IGSF9B: variants seen among roughly 807,000 people sequenced by gnomAD.
IGSF9B encodes protein turtle homolog B.
Under a neutral mutation model 143.7 loss-of-function variants are expected in IGSF9B, and 48 were observed. The ratio of observed to expected loss-of-function variants is 0.33; its 90% confidence interval spans 0.26 to 0.42. The LOEUF is 0.42. IGSF9B is among the 20% of genes least tolerant of loss of function. IGSF9B has a pLI of 1.00. For synonymous variants in IGSF9B, 903 were observed against 833.1 expected (o/e 1.08, Z -1.44); for missense variants, 1,706 against 1,980.0 (o/e 0.86, Z 2.63).
chr11:133,930,740 T>A (rs1939707947), intron 11 of IGSF9B, among the ~76,000 whole-genome samples: 1 of 152,236 alleles, frequency 6.6e-6, no homozygotes, highest in Admixed American at 6.5e-5. Flanking sequence ...GGTGGGCTGC[T>A]GTGGACATCA....
At chr11:133,943,685 G>A (rs1939992963) in intron 3 of IGSF9B, among the ~76,000 whole-genome samples, 1 of 152,234 alleles carries the variant, frequency 6.6e-6, no homozygotes, top group Non-Finnish European at 1.5e-5. Context: ...CGCACAGGCA[G>A]GGACTGGGTG....
chr11:133,916,188 G>C (rs556040005), intron 18 of IGSF9B, among the ~76,000 whole-genome samples: 1 of 152,080 alleles, frequency 6.6e-6, no homozygotes, highest in Non-Finnish European at 1.5e-5. Flanking sequence ...GAATTGGCTC[G>C]GCCTCCCCAC....
Position 133,956,760 on chromosome 11 carries a change from T to C in IGSF9B, c.-6A>G, listed in dbSNP as rs772218323. ...GTGGCCACATACCAAATCATAGTAC[T>C]ACCGCGCCAGCCCGGAGCCTCATCC... is the stretch of plus-strand genomic sequence containing the variant. On this transcript the variant is annotated 5_prime_UTR_variant, in exon 1 of 20. Coordinates refer to ENST00000533871, the MANE Select transcript of IGSF9B (RefSeq NM_001277285.4). 2.0e-6 allele frequency: 3 copies of C among 1,502,514 alleles called. No homozygotes were observed. Among genetic ancestry groups the C allele is most frequent in the Non-Finnish European group, 2.7e-6 (3 of 1,122,456 alleles). The allele number at this position is 1,502,514 out of a possible 1,614,324, so 93.1% of individuals were successfully genotyped here.
chr11:133,943,872 C>T lies in IGSF9B; in HGVS notation c.409+348G>A, dbSNP rs567118719. ...CAGAATTGGGGTAGCAGGGTCTTCC[C>T]AAGGCTGGGAAATAATCCCAGCGGT... On this transcript the variant is annotated intron_variant, in intron 3 of 19. Transcript: ENST00000533871. 3.3e-5 allele frequency among the ~76,000 whole-genome samples: 5 copies of T among 152,318 alleles called. No homozygotes were observed. The East Asian group carries it at 9.7e-4, about 29-fold the overall frequency.
intron 5 of IGSF9B, among the ~76,000 whole-genome samples, chr11:133,936,587 G>C (rs1241866987): frequency 1.3e-5 from 2 of 152,198 alleles, no homozygotes; most frequent in African/African-American, 4.8e-5. Flanking sequence ...CGAGGAGTAA[G>C]CAGAGGGTGA....
intron 1 of IGSF9B, among the ~76,000 whole-genome samples, chr11:133,950,066 CA>C (rs749726593): frequency 2.6e-5 from 4 of 152,116 alleles, no homozygotes; most frequent in Non-Finnish European, 5.9e-5. Flanking sequence ...CCACAGGGTA[CA>C]AATCTCCTGC....
rs1373944839 is a variant in IGSF9B at position 133,906,856 on chromosome 11, G to A, written c.*2213C>T. Among the ~76,000 whole-genome samples the A allele has an allele frequency of 2.0e-5, 3 of 152,274 alleles. No individual in the cohort carries two copies. Among genetic ancestry groups the A allele is most frequent in the Admixed American group, 6.5e-5 (1 of 15,304 alleles). On this transcript the variant is annotated 3_prime_UTR_variant, in exon 20 of 20. Transcript: ENST00000533871. The stretch of plus-strand genomic sequence containing the variant: ...CACTGCCAGTGCATAAAGGCTGCAC[G>A]TCAGCTTGCGGTAAGCCCCCACCTC...
intron 18 of IGSF9B, among the ~76,000 whole-genome samples, chr11:133,917,894 A>T (rs1939419451): frequency 6.6e-6 from 1 of 152,014 alleles, no homozygotes; most frequent in Non-Finnish European, 1.5e-5. Flanking sequence ...GCAGAGATGC[A>T]AAGCAGATCT....
intron 3 of IGSF9B, among the ~76,000 whole-genome samples, chr11:133,939,042 C>T (rs1206371616): frequency 6.6e-6 from 1 of 152,258 alleles, no homozygotes; most frequent in Non-Finnish European, 1.5e-5. Flanking sequence ...CCACACAGCC[C>T]TGCCCTGAGA....
At chr11:133,919,145 C>A (rs910544975) in intron 18 of IGSF9B, 4 of 435,978 alleles carry the variant, frequency 9.2e-6, no homozygotes, top group Admixed American at 2.4e-5. Flanking sequence ...ACGTGTCCTG[C>A]ACATGGTCAC....
At chr11:133,939,303 C>T (rs535689184) in intron 3 of IGSF9B, among the ~76,000 whole-genome samples, 1 of 152,348 alleles carries the variant, frequency 6.6e-6, no homozygotes, top group Admixed American at 6.5e-5. Context: ...ATGGCACTTC[C>T]AGCATTCTCT....
chr11:133,908,087 G>A lies in IGSF9B; in HGVS notation c.*982C>T, dbSNP rs903960011. On this transcript the variant is annotated 3_prime_UTR_variant, in exon 20 of 20. Transcript: ENST00000533871. ...GCTTGGCGCTAGCACAGGTGGCTCC[G>A]CAGTGGGGAGACTTTGGCCACAGAG... 2.0e-5 allele frequency among the ~76,000 whole-genome samples: 3 copies of A among 152,206 alleles called. No homozygotes were observed. Among genetic ancestry groups the A allele is most frequent in the African/African-American group, 4.8e-5 (2 of 41,462 alleles).
chr11:133,946,042 C>A lies in IGSF9B; in HGVS notation c.262+19G>T. ...CTCCAGCTGGGGAAGGTGCGGGAGA[C>A]CGGGTGCCCAGACCTTACCTGCATA... On this transcript the variant is annotated intron_variant, in intron 2 of 19. Coordinates refer to ENST00000533871, the MANE Select transcript of IGSF9B (RefSeq NM_001277285.4). The A allele has an allele frequency of 6.6e-7, 1 of 1,513,252 alleles. No homozygotes were observed. The highest frequency in any genetic ancestry group is 1.3e-5 in the South Asian group (1 of 76,264). The allele number at this position is 1,513,252 out of a possible 1,614,324, so 93.7% of individuals were successfully genotyped here. A position where few individuals can be genotyped will look rare whatever the true frequency, so the allele number is the denominator to read the frequency against.
In IGSF9B at chr11:133,937,757, C is replaced by G. The variant is rs916255190; in HGVS notation, c.561+53G>C. On this transcript the variant is annotated intron_variant, in intron 4 of 19. Coordinates refer to ENST00000533871, the MANE Select transcript of IGSF9B (RefSeq NM_001277285.4). ...GGGTCGGCTGCAGTAGGAGGCTGCCCTGGGGAAACGGGGGAAGAGACCGCA... is the reference window on the plus strand; with the variant it reads ...GGGTCGGCTGCAGTAGGAGGCTGCCGTGGGGAAACGGGGGAAGAGACCGCA... 6.2e-5 allele frequency: 98 copies of G among 1,579,694 alleles called. No individual in the cohort carries two copies. The African/African-American group carries it at 8.7e-4, about 14-fold the overall frequency.
rs771551462 is a variant in IGSF9B, at chr11:133,906,956, C to T, written c.*2113G>A. Among the ~76,000 whole-genome samples the T allele has an allele frequency of 2.0e-5, 3 of 152,266 alleles. No individual in the cohort carries two copies. The highest frequency in any genetic ancestry group is 6.5e-5 in the Admixed American group (1 of 15,308). ...CGCCCAAGTGAGCAGCACATCACGA[C>T]GCGGGGGCAGAGGGTGTGCTACCTG... On this transcript the variant is annotated 3_prime_UTR_variant, in exon 20 of 20. Coordinates refer to ENST00000533871, the MANE Select transcript of IGSF9B (RefSeq NM_001277285.4).
rs569666107 is a variant in IGSF9B, at chr11:133,945,401, G to C, written c.262+660C>G. Reference sequence around the variant, plus strand: ...AGCCACCAGCAAAGATGAAAGTGAAGGCAGTGCCCTGCCTGCTTCCTCCCT... The same window carrying C: ...AGCCACCAGCAAAGATGAAAGTGAACGCAGTGCCCTGCCTGCTTCCTCCCT... On this transcript the variant is annotated intron_variant, in intron 2 of 19. Coordinates refer to ENST00000533871, the MANE Select transcript of IGSF9B (RefSeq NM_001277285.4). The surrounding 1 kb of genome is among the most constrained non-coding windows in gnomAD (Gnocchi z 4.6). 6.6e-6 allele frequency among the ~76,000 whole-genome samples: 1 copy of C among 152,322 alleles called. No individual in the cohort carries two copies. The highest frequency in any genetic ancestry group is 2.4e-5 in the African/African-American group (1 of 41,578).
chr11:133,921,500 C>G (rs544971580), intron 17 of IGSF9B, 103 bp from the exon 18 acceptor site: 10 of 881,604 alleles, frequency 1.1e-5, no homozygotes, highest in Non-Finnish European at 1.7e-5. Context: ...AGGATCCTCA[C>G]GCTCAAGAAA....
chr11:133,937,634 G>T, intron 4 of IGSF9B, 141 bp from the exon 5 acceptor site: 1 of 1,001,616 alleles, frequency 1.0e-6, no homozygotes, highest in Non-Finnish European at 1.5e-6. Context: ...AAGGGCAGGT[G>T]CCCCCTTGCC....
Position 133,945,742 on chromosome 11 carries a change from G to A in IGSF9B, c.262+319C>T, listed in dbSNP as rs1392763583. Among the ~76,000 whole-genome samples, 1 of 152,110 alleles carries A rather than the reference G, an allele frequency of 6.6e-6. No homozygotes were observed. Among genetic ancestry groups the A allele is most frequent in the Non-Finnish European group, 1.5e-5 (1 of 68,020 alleles). ...CGGCCAAGCAGGGAGAGCCGTGCTG[G>A]CCCAGGGCTGCCTGACTCAGTCTGC... On this transcript the variant is annotated intron_variant, in intron 2 of 19. Transcript: ENST00000533871. The surrounding 1 kb of genome is among the most constrained non-coding windows in gnomAD (Gnocchi z 4.6).
Sources: allele counts gnomAD v4.1 joint callset (sites outside exome capture counted in the v4.1 genomes callset), GRCh38; gene constraint gnomAD v4.1.1; non-coding constraint Gnocchi (gnomAD v3.1); transcripts MANE v1.5; gene names NCBI Gene and HGNC (gene_info 2026-07-23, HGNC 2026-07-21).